Variants in SERAC1 observed in about 807,000 individuals in gnomAD.
SERAC1 encodes the protein protein SERAC1.
SERAC1 carries 36 observed loss-of-function variants against 85.7 expected under a neutral mutation model. The observed-to-expected ratio is 0.42, with a 90% CI of 0.32 to 0.55. SERAC1 has a LOEUF of 0.55. SERAC1 is among the 20% of genes least tolerant of loss of function. SERAC1 has a pLI of 0.11. For missense variants in SERAC1, 629 were observed against 796.2 expected (o/e 0.79, Z 2.53); for synonymous variants, 242 against 265.3 (o/e 0.91, Z 0.85).
At chr6:158,161,706 C>G (rs1230863326) in intron 1 of SERAC1, 1 of 151,434 alleles carries the variant, frequency 6.6e-6, no homozygotes, top group Non-Finnish European at 1.5e-5. Flanking sequence ...TCTGGGATAG[C>G]TAACTGCTAG....
chr6:158,146,512 C>G (rs1027579389), intron 6 of SERAC1: 15 of 254,646 alleles, frequency 5.9e-5, no homozygotes, highest in African/African-American at 3.0e-4. Context: ...GGGTTCACGC[C>G]ATTCTCCTGC....
At chr6:158,145,530 T>C (rs1473191089) in intron 6 of SERAC1, among the ~76,000 whole-genome samples, 3 of 151,304 alleles carry the variant, frequency 2.0e-5, no homozygotes, top group Non-Finnish European at 3.0e-5. Flanking sequence ...TTCTTTTTTT[T>C]TTTTTTTTTT....
intron 3 of SERAC1, among the ~76,000 whole-genome samples, chr6:158,152,286 C>T (rs1352684701): frequency 2.6e-5 from 4 of 152,096 alleles, no homozygotes; most frequent in Admixed American, 6.5e-5. Flanking sequence ...GAGGCCGAGG[C>T]GGGCGGATCA....
Position 158,114,840 on chromosome 6 carries a change from T to TAACA in SERAC1, c.1629_1632dup (p.Asn545CysfsTer2). Reference sequence around the variant, plus strand: ...GAGGGGAAGAGAAGATAGCGAATATTAACAGAGTATTCAGCCAAACGTGAT... The same window carrying TAACA: ...GAGGGGAAGAGAAGATAGCGAATATTAACAAACAGAGTATTCAGCCAAACGTGAT... On this transcript the variant is annotated frameshift_variant, in exon 15 of 17. Coordinates refer to ENST00000647468, the MANE Select transcript of SERAC1 (RefSeq NM_032861.4). LOFTEE classifies it high-confidence loss of function. 6.2e-7 allele frequency: 1 copy of TAACA among 1,614,080 alleles called. No individual in the cohort carries two copies. The highest frequency in any genetic ancestry group is 1.3e-5 in the African/African-American group (1 of 75,054).
At chr6:158,156,425 TCCCCA>T (rs1176640149) in intron 2 of SERAC1, among the ~76,000 whole-genome samples, 1 of 152,012 alleles carries the variant, frequency 6.6e-6, no homozygotes, top group Admixed American at 6.6e-5. Flanking sequence ...GATGGATCCC[TCCCCA>T]CATAAAAAGA....
Position 158,113,547 on chromosome 6 carries a change from G to A in SERAC1, c.1730C>T (p.Ala577Val). 6.2e-7 allele frequency: 1 copy of A among 1,613,758 alleles called. No homozygotes were observed. The highest frequency in any genetic ancestry group is 8.5e-7 in the Non-Finnish European group (1 of 1,179,728). Residue 577 changes from alanine to valine, a missense_variant, in exon 16 of 17, where the codon GCT (alanine) becomes GTT (valine). Physicochemically the swap from Ala to Val is moderately conservative, Grantham distance 64 (BLOSUM62 0). Coordinates refer to ENST00000647468, the MANE Select transcript of SERAC1 (RefSeq NM_032861.4). ...CAGCACCTGGAAGTTTTTGTCTTTA[G>A]CAAACTCCAGAAAGTCATCTTGTAG... ...KTLQDDFLEF[A>V]KDKNFQVLNF...
intron 8 of SERAC1, among the ~76,000 whole-genome samples, chr6:158,133,075 G>C (rs1784713785): frequency 6.6e-6 from 1 of 152,164 alleles, no homozygotes; most frequent in East Asian, 1.9e-4. Context: ...GGGAGGCTGA[G>C]ACAAGTGGAT....
chr6:158,132,335 ATAATAT>A (rs1171473509), intron 8 of SERAC1, among the ~76,000 whole-genome samples: 1 of 152,166 alleles, frequency 6.6e-6, no homozygotes, highest in Non-Finnish European at 1.5e-5. Context: ...CTTCTCGTAT[ATAATAT>A]TATTTTTTTC....
chr6:158,145,082 A>G (rs1562451655), intron 6 of SERAC1, among the ~76,000 whole-genome samples: 2 of 152,102 alleles, frequency 1.3e-5, no homozygotes, highest in African/African-American at 4.8e-5. Context: ...TGTCTCTACT[A>G]AAAATACAAA....
Position 158,120,592 on chromosome 6 carries a change from A to G in SERAC1, c.1016-17T>C, listed in dbSNP as rs759546916. The G allele has an allele frequency of 4.3e-6, 7 of 1,610,074 alleles. No homozygotes were observed. The highest frequency in any genetic ancestry group is 5.9e-6 in the Non-Finnish European group (7 of 1,179,314). On this transcript the variant is annotated splice_polypyrimidine_tract_variant and intron_variant, in intron 10 of 16. Coordinates refer to ENST00000647468, the MANE Select transcript of SERAC1 (RefSeq NM_032861.4). The surrounding 1 kb of genome is among the most constrained non-coding windows in gnomAD (Gnocchi z 4.4). ...AAACCCAGCCTGGTGAAAAGTACAC[A>G]TATCCTAAATACTGATGTGAATCCA...
At chr6:158,113,044 A>G (rs1278760262) in intron 16 of SERAC1, 1 of 208,820 alleles carries the variant, frequency 4.8e-6, no homozygotes, top group East Asian at 1.0e-4. Flanking sequence ...ACTATTCCCC[A>G]TGGATCTTCT....
At chr6:158,153,902 G>T (rs541560205) in intron 3 of SERAC1, among the ~76,000 whole-genome samples, 1 of 152,004 alleles carries the variant, frequency 6.6e-6, no homozygotes, top group African/African-American at 2.4e-5. Context: ...AGGCCAAGAC[G>T]GGCAGATCAC....
intron 1 of SERAC1, chr6:158,159,035 GTTT>G (rs201438995): frequency 6.6e-6 from 1 of 151,266 alleles, no homozygotes; most frequent in Non-Finnish European, 1.5e-5. Context: ...GGATAGTGAG[GTTT>G]TTTTTTCTTT....
At chr6:158,122,839 ACTGTT>A (rs1356613229) in intron 10 of SERAC1, among the ~76,000 whole-genome samples, 4 of 152,112 alleles carry the variant, frequency 2.6e-5, no homozygotes, top group Non-Finnish European at 4.4e-5. Flanking sequence ...GAATCATACT[ACTGTT>A]CTGTGTCTGT....
At chr6:158,159,632 T>C (rs1454274918) in intron 1 of SERAC1, among the ~76,000 whole-genome samples, 1 of 151,702 alleles carries the variant, frequency 6.6e-6, no homozygotes, top group African/African-American at 2.4e-5. Context: ...GATTATCTTT[T>C]TTTTTTTTTT....
At chr6:158,115,079 T>G in intron 14 of SERAC1, 108 bp from the exon 15 acceptor site, 1 of 1,221,484 alleles carries the variant, frequency 8.2e-7, no homozygotes, top group Non-Finnish European at 1.1e-6. Context: ...AGATGCTTTC[T>G]TTTTAAAAAA....
At chr6:158,145,019 G>A (rs1046614717) in intron 6 of SERAC1, among the ~76,000 whole-genome samples, 5 of 152,118 alleles carry the variant, frequency 3.3e-5, no homozygotes, top group Admixed American at 6.5e-5. Context: ...CGAGGCGGGC[G>A]GATCATTTGA....
At chr6:158,163,272 T>A (rs988465034) in intron 1 of SERAC1, among the ~76,000 whole-genome samples, 2 of 152,236 alleles carry the variant, frequency 1.3e-5, no homozygotes, top group African/African-American at 4.8e-5. Flanking sequence ...CTCAAAAAGC[T>A]GACATGTAAC....
At chr6:158,122,298 A>G (rs1469624157) in intron 10 of SERAC1, among the ~76,000 whole-genome samples, 1 of 152,236 alleles carries the variant, frequency 6.6e-6, no homozygotes, top group Non-Finnish European at 1.5e-5. Context: ...TTTCTCCACT[A>G]TTAAGCAATG....
Sources: gnomAD v4.1 joint callset for allele counts (sites outside exome capture counted in the v4.1 genomes callset) on GRCh38, gnomAD v4.1.1 for gene constraint, Gnocchi (gnomAD v3.1) non-coding constraint, MANE v1.5 for transcripts, NCBI Gene and HGNC (gene_info 2026-07-23, HGNC 2026-07-21) for gene names.